ARIH2: variants seen among roughly 807,000 people sequenced by gnomAD.
The protein encoded by ARIH2 is ariadne RBR E3 ubiquitin protein ligase 2.
A neutral mutation model predicts 79.8 loss-of-function variants in ARIH2; 12 were observed. That is an observed-to-expected ratio of 0.15 (90% CI 0.10 to 0.24). The LOEUF is 0.24. Ranked by LOEUF, ARIH2 falls within the 10% of genes least tolerant of loss-of-function variation. ARIH2 has a pLI of 1.00. For synonymous variants in ARIH2, 224 were observed against 213.9 expected, an observed-to-expected ratio of 1.05 and a Z score of -0.41; for missense variants, 301 against 618.3, an observed-to-expected ratio of 0.49 and a Z score of 5.44.
chr3:48,958,790 A>G (rs1056756068), intron 3 of ARIH2, among the ~76,000 whole-genome samples: 9 of 152,122 alleles, frequency 5.9e-5, no homozygotes, highest in African/African-American at 2.2e-4. Context: ...TGAGGCAGGC[A>G]GATTGCTTGC....
intron 3 of ARIH2, among the ~76,000 whole-genome samples, chr3:48,954,920 G>A (rs540561901): frequency 1.2e-4 from 19 of 152,188 alleles, no homozygotes; most frequent in African/African-American, 4.3e-4. Context: ...TCATAGTGCC[G>A]GGTGTGGTGG....
intron 3 of ARIH2, among the ~76,000 whole-genome samples, chr3:48,936,415 T>C (rs758761805): frequency 2.0e-5 from 3 of 152,248 alleles, no homozygotes; most frequent in Admixed American, 6.5e-5. Context: ...CTTTAAACTT[T>C]TATAAAGTTT....
intron 3 of ARIH2, among the ~76,000 whole-genome samples, chr3:48,947,328 C>G (rs2089314686): frequency 6.6e-6 from 1 of 151,816 alleles, no homozygotes; most frequent in African/African-American, 2.4e-5. Flanking sequence ...ATAATCCCAG[C>G]TACTCGGGAG....
At chr3:48,969,551 A>G (rs556917755) in intron 7 of ARIH2, among the ~76,000 whole-genome samples, 1 of 151,472 alleles carries the variant, frequency 6.6e-6, no homozygotes, top group East Asian at 1.9e-4. Context: ...TAGAGGCACA[A>G]ACATGGCTCA....
intron 3 of ARIH2, among the ~76,000 whole-genome samples, chr3:48,937,776 G>A (rs1353923089): frequency 1.3e-5 from 2 of 152,022 alleles, no homozygotes; most frequent in Non-Finnish European, 2.9e-5. Context: ...GGCCAGGCGC[G>A]GTGGCTCACA....
At chr3:48,958,760 T>C (rs2090905802) in intron 3 of ARIH2, among the ~76,000 whole-genome samples, 1 of 151,170 alleles carries the variant, frequency 6.6e-6, no homozygotes, top group Non-Finnish European at 1.5e-5. Context: ...ACCTGTAATC[T>C]CAGCACTTCG....
Position 48,978,619 on chromosome 3 carries a change from A to T in ARIH2, c.962-863A>T, listed in dbSNP as rs117934292. 1.3e-3 allele frequency among the ~76,000 whole-genome samples: 193 copies of T among 151,312 alleles called. 7 individuals are homozygous for T. The East Asian group carries it at 0.036, about 28-fold the overall frequency. On this transcript the variant is annotated intron_variant, in intron 11 of 15. Transcript: ENST00000356401. ...CAGGTGTGAGCTACCGCAAAAGCAG[A>T]ATCATAATTCTGATTATGAACCATT...
At position 48,927,724 on chromosome 3, in the gene ARIH2, C is replaced by T. The variant is rs2085824139; in HGVS notation, c.166C>T (p.Pro56Ser). Residue 56 changes from proline (P) to serine (S), a missense_variant, in exon 3 of 16, where the codon CCC becomes TCC. Physicochemically the swap from Pro to Ser is moderately conservative, Grantham distance 74 (BLOSUM62 -1). Transcript: ENST00000356401. ...VEQQGADAFD[P>S]EEYQFTCLTY... Reference sequence around the variant, plus strand: ...GCAGCAGGGGGCTGATGCCTTTGATCCCGAGGAGTACCAGTTCACTTGCTT... The same window carrying T: ...GCAGCAGGGGGCTGATGCCTTTGATTCCGAGGAGTACCAGTTCACTTGCTT... 6.2e-7 allele frequency: 1 copy of T among 1,614,072 alleles called. No homozygotes were observed. Among genetic ancestry groups the T allele is most frequent in the Admixed American group, 1.7e-5 (1 of 59,998 alleles).
At position 48,983,995 on chromosome 3, in the gene ARIH2, C is replaced by T. The variant is rs2092836385; in HGVS notation, c.*725C>T. 2 of 152,358 alleles carry T rather than the reference C, an allele frequency of 1.3e-5. No homozygotes were observed. Among genetic ancestry groups the T allele is most frequent in the South Asian group, 4.1e-4 (2 of 4,828 alleles). 9.4% of individuals were successfully genotyped at this position (152,358 alleles called of 1,614,324 possible). ...CTGTGGCTCACCTTTATTCTTGAAACTGAGGTTTACCTGGATCTGGCTACT... is the reference window on the plus strand; with the variant it reads ...CTGTGGCTCACCTTTATTCTTGAAATTGAGGTTTACCTGGATCTGGCTACT... On this transcript the variant is annotated 3_prime_UTR_variant, in exon 16 of 16. Coordinates refer to ENST00000356401, the MANE Select transcript of ARIH2 (RefSeq NM_006321.4).
intron 3 of ARIH2, chr3:48,943,594 A>G (rs1372066150): frequency 1.3e-5 from 2 of 152,068 alleles, no homozygotes; most frequent in African/African-American, 2.4e-5. Context: ...TTCTGCCCTC[A>G]ATGGGCTTTC....
intron 3 of ARIH2, among the ~76,000 whole-genome samples, chr3:48,940,804 A>ATAT (rs1164499319): frequency 3.5e-4 from 35 of 101,022 alleles, no homozygotes; most frequent in African/African-American, 1.2e-3. Flanking sequence ...CAAAAAAAAA[A>ATAT]AAAAATATAT....
chr3:48,918,907 C>A lies in ARIH2; in HGVS notation c.-253C>A. 6.2e-7 allele frequency: 1 copy of A among 1,601,900 alleles called. No homozygotes were observed. The highest frequency in any genetic ancestry group is 8.5e-7 in the Non-Finnish European group (1 of 1,177,272). ...CTTGACCGGCGTCGGCCCGCCGCCT[C>A]CGCTGCCGCTTCGCCCCAATCCGGT... On this transcript the variant is annotated 5_prime_UTR_variant, in exon 1 of 16. Transcript: ENST00000356401.
chr3:48,964,946 T>A lies in ARIH2; in HGVS notation c.351T>A (p.Leu117=), dbSNP rs1231560110. The part of the protein sequence containing the change: ...DRYKSNSAQL[L]VEARVQPNPS... ...ACAAGTCCAATTCTGCTCAACTGCT[T>A]GTTGAGGCTCGAGTTCAGCCTAATC... Residue 117 remains leucine (L), a synonymous_variant, in exon 5 of 16, where the codon CTT becomes CTA. Coordinates refer to ENST00000356401, the MANE Select transcript of ARIH2 (RefSeq NM_006321.4). The A allele has an allele frequency of 1.2e-6, 2 of 1,613,710 alleles. No homozygotes were observed. Among genetic ancestry groups the A allele is most frequent in the Non-Finnish European group, 1.7e-6 (2 of 1,179,750 alleles).
intron 3 of ARIH2, among the ~76,000 whole-genome samples, chr3:48,935,841 G>A (rs2087031691): frequency 6.6e-6 from 1 of 152,050 alleles, no homozygotes; most frequent in African/African-American, 2.4e-5. Flanking sequence ...TGAATCATAG[G>A]GTAGGAGCCT....
intron 3 of ARIH2, among the ~76,000 whole-genome samples, chr3:48,940,308 T>A (rs1244683002): frequency 6.6e-6 from 1 of 152,040 alleles, no homozygotes; most frequent in Non-Finnish European, 1.5e-5. Context: ...AGGTGGAGGT[T>A]GTGGTGAGCC....
intron 4 of ARIH2, among the ~76,000 whole-genome samples, chr3:48,962,146 G>A (rs1235665664): frequency 6.6e-6 from 1 of 152,142 alleles, no homozygotes; most frequent in Non-Finnish European, 1.5e-5. Flanking sequence ...GGAGGCTGAG[G>A]CGGGCGGATC....
rs1481878203 is a variant in ARIH2, at chr3:48,961,668, G to A, written c.312G>A (p.Glu104=). Residue 104 remains glutamate, a synonymous_variant, in exon 4 of 16, where the codon GAG becomes GAA. Transcript: ENST00000356401. ...TTAATTTCCACTGGCAAGTTTCAGA[G>A]ATATTGGACAGGTAAGGTATTTGGG... ...ILVNFHWQVS[E]ILDRYKSNSA... 1.9e-6 allele frequency: 3 copies of A among 1,606,950 alleles called. No homozygotes were observed. Among genetic ancestry groups the A allele is most frequent in the Non-Finnish European group, 1.7e-6 (2 of 1,173,656 alleles).
At chr3:48,965,555 G>A (rs1461773537) in intron 5 of ARIH2, among the ~76,000 whole-genome samples, 1 of 152,118 alleles carries the variant, frequency 6.6e-6, no homozygotes, top group Non-Finnish European at 1.5e-5. Flanking sequence ...TTCCTTCTGG[G>A]TGCTTTGGTG....
At chr3:48,936,917 A>G (rs1207416279) in intron 3 of ARIH2, among the ~76,000 whole-genome samples, 2 of 150,934 alleles carry the variant, frequency 1.3e-5, no homozygotes, top group African/African-American at 2.4e-5. Context: ...AGTCCCAGCT[A>G]CTCTGGAGGC....
Sources: allele counts gnomAD v4.1 joint callset (sites outside exome capture counted in the v4.1 genomes callset), GRCh38; gene constraint gnomAD v4.1.1; transcripts MANE v1.5; gene names NCBI Gene and HGNC (gene_info 2026-07-23, HGNC 2026-07-21).